Variants in MAP3K7CL observed in about 807,000 individuals in gnomAD.
The protein encoded by MAP3K7CL is MAP3K7 C-terminal-like protein.
A neutral mutation model predicts 18.6 loss-of-function variants in MAP3K7CL; 16 were observed. The observed-to-expected ratio is 0.86, with a 90% CI of 0.58 to 1.31. MAP3K7CL has a LOEUF of 1.31. Among genes scored for constraint, MAP3K7CL ranks in the 50% most tolerant of loss-of-function variants. The probability of loss-of-function intolerance (pLI) is 0.00; values close to 1 mark genes in which losing one functional copy is unlikely to be tolerated. For missense variants in MAP3K7CL, 163 were observed against 174.4 expected (o/e 0.93, Z 0.37); for synonymous variants, 65 against 66.8 (o/e 0.97, Z 0.13).
intron 4 of MAP3K7CL, among the ~76,000 whole-genome samples, chr21:29,168,140 C>T (rs1240772508): frequency 6.6e-6 from 1 of 152,208 alleles, no homozygotes; most frequent in African/African-American, 2.4e-5. Context: ...TTTACTCAGC[C>T]TCCAGAAATT....
At chr21:29,111,128 T>C (rs76605791) in intron 4 of MAP3K7CL, among the ~76,000 whole-genome samples, 3,795 of 152,014 alleles carry the variant, frequency 0.025, 73 homozygotes, top group South Asian at 0.038. Context: ...TGGTGGTGAG[T>C]GCCTGTAGTC....
intron 4 of MAP3K7CL, among the ~76,000 whole-genome samples, chr21:29,124,329 G>A (rs1250867664): frequency 8.8e-5 from 12 of 136,428 alleles, no homozygotes; most frequent in Admixed American, 2.4e-4. Context: ...GCTCTAGCCC[G>A]GGCAACAGAG....
chr21:29,142,256 G>A (rs1324118784), intron 2 of MAP3K7CL, among the ~76,000 whole-genome samples: 1 of 152,010 alleles, frequency 6.6e-6, no homozygotes, highest in African/African-American at 2.4e-5. Context: ...TTGTAGGTAT[G>A]GGGTTTTGCC....
intron 4 of MAP3K7CL, among the ~76,000 whole-genome samples, chr21:29,123,778 C>T (rs9976288): frequency 0.035 from 5,308 of 152,148 alleles, 203 homozygotes; most frequent in East Asian, 0.16. Flanking sequence ...CTATTTGGTT[C>T]TGTTAATGAA....
At chr21:29,133,649 C>T (rs1006198018) in intron 2 of MAP3K7CL, among the ~76,000 whole-genome samples, 2 of 152,156 alleles carry the variant, frequency 1.3e-5, no homozygotes, top group Non-Finnish European at 2.9e-5. Flanking sequence ...TCTCCTCCCT[C>T]CCCATTCTAG....
intron 4 of MAP3K7CL, among the ~76,000 whole-genome samples, chr21:29,108,728 A>G (rs1053492112): frequency 2.6e-5 from 4 of 152,162 alleles, no homozygotes; most frequent in Admixed American, 6.5e-5. Flanking sequence ...ATCTCACAGC[A>G]CTGTTGGGAG....
intron 2 of MAP3K7CL, among the ~76,000 whole-genome samples, chr21:29,147,779 A>G (rs2087170520): frequency 6.6e-6 from 1 of 151,412 alleles, no homozygotes; most frequent in Non-Finnish European, 1.5e-5. Flanking sequence ...TGTACTGTAT[A>G]TATCTAACTG....
intron 4 of MAP3K7CL, among the ~76,000 whole-genome samples, chr21:29,172,437 A>G (rs907051615): frequency 7.2e-5 from 11 of 152,158 alleles, no homozygotes; most frequent in African/African-American, 2.7e-4. Context: ...TATTTATCTC[A>G]TGACTAGCAG....
At chr21:29,171,563 C>T (rs1174211213) in intron 4 of MAP3K7CL, among the ~76,000 whole-genome samples, 4 of 152,144 alleles carry the variant, frequency 2.6e-5, no homozygotes, top group African/African-American at 9.7e-5. Context: ...CGCCTGTAAT[C>T]CCAGCACTTT....
intron 4 of MAP3K7CL, among the ~76,000 whole-genome samples, chr21:29,169,438 C>T (rs2087770146): frequency 2.0e-5 from 3 of 152,180 alleles, no homozygotes; most frequent in Non-Finnish European, 4.4e-5. Context: ...GGCATTGACT[C>T]CTTCTGTCCT....
intron 4 of MAP3K7CL, among the ~76,000 whole-genome samples, chr21:29,160,870 G>A (rs1184597053): frequency 6.6e-6 from 1 of 152,210 alleles, no homozygotes; most frequent in Non-Finnish European, 1.5e-5. Flanking sequence ...ATGATATGTG[G>A]CACCTAGAGG....
At position 29,116,042 on chromosome 21, in the gene MAP3K7CL, A is replaced by G. The variant is rs927099637; in HGVS notation, c.370+23461A>G. Among the ~76,000 whole-genome samples, 11 of 152,234 alleles carry G rather than the reference A, an allele frequency of 7.2e-5. No homozygotes were observed. In the East Asian group the frequency reaches 2.1e-3, roughly 29 times the overall value. On this transcript the variant is annotated intron_variant, in intron 4 of 6. Coordinates refer to the MAP3K7CL transcript ENST00000286791. Reference sequence around the variant, plus strand: ...CTTTCTGCATAGTTTACTTATGTATACTCTAGTGGTTTCTTCCGTGAAGCT... The same window carrying G: ...CTTTCTGCATAGTTTACTTATGTATGCTCTAGTGGTTTCTTCCGTGAAGCT...
intron 4 of MAP3K7CL, among the ~76,000 whole-genome samples, chr21:29,108,764 A>G (rs945279391): frequency 6.6e-6 from 1 of 152,174 alleles, no homozygotes; most frequent in Admixed American, 6.5e-5. Flanking sequence ...GTATGAGAAG[A>G]TGTTTTGCAA....
intron 3 of MAP3K7CL, among the ~76,000 whole-genome samples, chr21:29,158,758 G>A (rs1372471935): frequency 1.4e-5 from 2 of 146,398 alleles, no homozygotes; most frequent in African/African-American, 5.4e-5. Flanking sequence ...CAGATACATA[G>A]TTTATATATA....
chr21:29,164,759 T>C (rs935020569), intron 4 of MAP3K7CL, among the ~76,000 whole-genome samples: 1 of 152,222 alleles, frequency 6.6e-6, no homozygotes, highest in African/African-American at 2.4e-5. Context: ...ATTTTTTTTT[T>C]CTTCTCCGTG....
chr21:29,157,813 T>G (rs2087443736), intron 3 of MAP3K7CL, among the ~76,000 whole-genome samples: 1 of 152,210 alleles, frequency 6.6e-6, no homozygotes, highest in Admixed American at 6.5e-5. Context: ...AGGGAAGGCC[T>G]CTCCCTTCTT....
At chr21:29,084,118 G>C (rs2085885579), upstream of MAP3K7CL, among the ~76,000 whole-genome samples, 1 of 149,636 alleles carries the variant, frequency 6.7e-6, no homozygotes, top group African/African-American at 2.4e-5. Context: ...TGAATTCACA[G>C]ATGGTTTGGG....
chr21:29,175,064 A>G lies in MAP3K7CL; in HGVS notation c.*172A>G. The G allele has an allele frequency of 3.7e-6, 2 of 538,928 alleles. No homozygotes were observed. Among genetic ancestry groups the G allele is most frequent in the East Asian group, 3.1e-5 (1 of 31,824 alleles). The allele number at this position is 538,928 out of a possible 1,614,324, so 33.4% of individuals were successfully genotyped here. ...CAGCTTCTAGCTTGAGAGAAGGGAT[A>G]TTTTAAATGAGATCATTAACGTGAA... On this transcript the variant is annotated 3_prime_UTR_variant, in exon 5 of 5. Coordinates refer to ENST00000399928, the MANE Select transcript of MAP3K7CL (RefSeq NM_001286620.2).
intron 4 of MAP3K7CL, among the ~76,000 whole-genome samples, chr21:29,113,996 G>T (rs2086463755): frequency 6.6e-6 from 1 of 152,100 alleles, no homozygotes; most frequent in African/African-American, 2.4e-5. Flanking sequence ...CAAATCTGGG[G>T]TGCCTTTTCA....
Sources: gnomAD v4.1 joint callset for allele counts (sites outside exome capture counted in the v4.1 genomes callset) on GRCh38, gnomAD v4.1.1 for gene constraint, MANE v1.5 for transcripts, NCBI Gene and HGNC (gene_info 2026-07-23, HGNC 2026-07-21) for gene names.